Variants in GPC6 observed in about 807,000 individuals in gnomAD.
GPC6 encodes glypican 6, also known as glypican-6.
A neutral mutation model predicts 55.2 loss-of-function variants in GPC6; 14 were observed. The ratio of observed to expected loss-of-function variants is 0.25; its 90% CI spans 0.17 to 0.40. The LOEUF (loss-of-function observed/expected upper bound fraction) is 0.40, where lower values mean the gene tolerates loss of function less well. Among genes scored for constraint, GPC6 ranks in the 10% least tolerant of loss-of-function variants. The pLI, the probability that GPC6 is intolerant of heterozygous loss-of-function variation, is 1.00. For synonymous variants in GPC6, 278 were observed against 259.6 expected, an observed-to-expected ratio of 1.07 and a Z score of -0.68; for missense variants, 641 against 708.5, an observed-to-expected ratio of 0.90 and a Z score of 1.08.
intron 3 of GPC6, among the ~76,000 whole-genome samples, chr13:93,902,911 C>T (rs756690294): frequency 3.9e-5 from 6 of 151,942 alleles, no homozygotes; most frequent in Non-Finnish European, 5.9e-5. Context: ...GAGTTGATAA[C>T]GCAGACATAA....
intron 3 of GPC6, among the ~76,000 whole-genome samples, chr13:94,020,484 A>C (rs1882654531): frequency 6.6e-6 from 1 of 152,140 alleles, no homozygotes; most frequent in Non-Finnish European, 1.5e-5. Flanking sequence ...GTGTTCTGAA[A>C]AGTTGATTCT....
At chr13:93,902,973 A>G (rs1876442372) in intron 3 of GPC6, among the ~76,000 whole-genome samples, 1 of 152,200 alleles carries the variant, frequency 6.6e-6, no homozygotes, top group African/African-American at 2.4e-5. Context: ...AGAACATACA[A>G]TGGAGAAAGG....
chr13:93,467,670 G>A (rs1326003021), intron 1 of GPC6, among the ~76,000 whole-genome samples: 1 of 142,286 alleles, frequency 7.0e-6, no homozygotes, highest in Admixed American at 7.7e-5. Context: ...CTGCAGTCTC[G>A]AGCTCCTGGA....
chr13:93,616,825 G>A (rs933419924), intron 2 of GPC6, among the ~76,000 whole-genome samples: 8 of 151,982 alleles, frequency 5.3e-5, no homozygotes, highest in African/African-American at 1.7e-4. Flanking sequence ...CACCATTGAC[G>A]TGCTCCTTTT....
At chr13:93,942,346 G>A (rs532933578) in intron 3 of GPC6, among the ~76,000 whole-genome samples, 71 of 152,096 alleles carry the variant, frequency 4.7e-4, no homozygotes, top group Admixed American at 9.8e-4. Context: ...TCTAGCCAAG[G>A]TGTCACTCTG....
intron 1 of GPC6, among the ~76,000 whole-genome samples, chr13:93,348,505 T>C (rs1880507608): frequency 6.6e-6 from 1 of 152,210 alleles, no homozygotes; most frequent in Non-Finnish European, 1.5e-5. Context: ...ATGAAGAGGA[T>C]GAGGTTAATT....
At chr13:93,302,225 GT>G (rs1261690356) in intron 1 of GPC6, among the ~76,000 whole-genome samples, 1 of 152,154 alleles carries the variant, frequency 6.6e-6, no homozygotes, top group Non-Finnish European at 1.5e-5. Context: ...GGGATCTGGT[GT>G]GTTTCCTGCC....
intron 3 of GPC6, among the ~76,000 whole-genome samples, chr13:94,013,754 C>T (rs903917669): frequency 6.6e-6 from 1 of 152,224 alleles, no homozygotes; most frequent in African/African-American, 2.4e-5. Context: ...GGAACAGACA[C>T]AGACCTTAAA....
intron 2 of GPC6, among the ~76,000 whole-genome samples, chr13:93,604,415 A>C (rs889410666): frequency 3.3e-5 from 5 of 152,220 alleles, no homozygotes; most frequent in Non-Finnish European, 7.3e-5. Flanking sequence ...TAGGAGATGT[A>C]GGAATAGGTA....
chr13:93,889,153 T>A (rs1474654371), intron 3 of GPC6, among the ~76,000 whole-genome samples: 1 of 152,120 alleles, frequency 6.6e-6, no homozygotes, highest in Non-Finnish European at 1.5e-5. Context: ...GGGAATGGGT[T>A]AGCATTGATG....
chr13:93,253,353 A>T (rs1288984315), intron 1 of GPC6, among the ~76,000 whole-genome samples: 1 of 152,186 alleles, frequency 6.6e-6, no homozygotes, highest in Non-Finnish European at 1.5e-5. Context: ...AACCACTTGT[A>T]ATTTTGTGGA....
chr13:93,217,179 G>T, the GPC6 span, among the ~76,000 whole-genome samples: 1 of 152,152 alleles, frequency 6.6e-6, no homozygotes, highest in Non-Finnish European at 1.5e-5. Flanking sequence ...CATTCATTAT[G>T]AAAATAGACT....
At chr13:94,381,953 G>A (rs1435772306) in intron 6 of GPC6, among the ~76,000 whole-genome samples, 2 of 152,224 alleles carry the variant, frequency 1.3e-5, no homozygotes, top group Non-Finnish European at 2.9e-5. Flanking sequence ...ACCAGCAGCT[G>A]AATTAGTGGC....
chr13:93,466,559 A>T (rs531278910), intron 1 of GPC6, among the ~76,000 whole-genome samples: 3 of 152,288 alleles, frequency 2.0e-5, no homozygotes, highest in African/African-American at 7.2e-5. Flanking sequence ...GAGTTAATTT[A>T]AAAAAATAGT....
At chr13:94,223,164 A>C (rs749444915) in intron 4 of GPC6, among the ~76,000 whole-genome samples, 1 of 152,124 alleles carries the variant, frequency 6.6e-6, no homozygotes, top group Non-Finnish European at 1.5e-5. Flanking sequence ...AGAAGTGTAT[A>C]TGTTTGTGTC....
intron 6 of GPC6, among the ~76,000 whole-genome samples, chr13:94,317,446 C>T (rs762269867): frequency 1.3e-5 from 2 of 152,166 alleles, no homozygotes; most frequent in Non-Finnish European, 2.9e-5. Flanking sequence ...GAGAAGAAAA[C>T]ATAGAGGCAG....
intron 2 of GPC6, among the ~76,000 whole-genome samples, chr13:93,612,498 A>AC (rs1491245710): frequency 3.7e-5 from 2 of 54,318 alleles, no homozygotes; most frequent in Non-Finnish European, 8.3e-5. Flanking sequence ...GACTCCGTCT[A>AC]AAACACACAC....
At chr13:94,045,492 T>G (rs556860699) in intron 4 of GPC6, among the ~76,000 whole-genome samples, 9 of 152,008 alleles carry the variant, frequency 5.9e-5, no homozygotes, top group Admixed American at 4.6e-4. Flanking sequence ...AACACTGACA[T>G]AGAAAAACCT....
chr13:93,935,021 A>T (rs1413629631), intron 3 of GPC6, among the ~76,000 whole-genome samples: 3 of 152,188 alleles, frequency 2.0e-5, no homozygotes, highest in Admixed American at 6.5e-5. Flanking sequence ...CAACATATGG[A>T]CATACTACAT....
Sources: allele counts gnomAD v4.1 joint callset (sites outside exome capture counted in the v4.1 genomes callset), GRCh38; gene constraint gnomAD v4.1.1; transcripts MANE v1.5; gene names NCBI Gene and HGNC (gene_info 2026-07-23, HGNC 2026-07-21).